SNTG1: variants seen among roughly 807,000 people sequenced by gnomAD.
SNTG1 encodes the protein syntrophin gamma 1, also known as gamma-1-syntrophin.
A neutral mutation model predicts 74.7 loss-of-function variants in SNTG1; 39 were observed. The ratio of observed to expected loss-of-function variants is 0.52; its 90% CI spans 0.40 to 0.68. SNTG1 has a LOEUF of 0.68. Among genes scored for constraint, SNTG1 ranks in the 30% least tolerant of loss-of-function variants. The probability of loss-of-function intolerance (pLI) is 0.00; values close to 1 mark genes in which losing one functional copy is unlikely to be tolerated. For synonymous variants in SNTG1, 254 were observed against 217.1 expected, an observed-to-expected ratio of 1.17 and a Z score of -1.49; for missense variants, 685 against 609.5, an observed-to-expected ratio of 1.12 and a Z score of -1.30.
intron 8 of SNTG1, among the ~76,000 whole-genome samples, chr8:50,490,485 C>T (rs1224272368): frequency 3.3e-5 from 5 of 152,194 alleles, no homozygotes; most frequent in African/African-American, 7.2e-5. Flanking sequence ...TCCTTCACCT[C>T]CCTTGTAAGT....
At chr8:50,385,406 A>C (rs553238493) in intron 2 of SNTG1, among the ~76,000 whole-genome samples, 1 of 152,202 alleles carries the variant, frequency 6.6e-6, no homozygotes, top group Non-Finnish European at 1.5e-5. Flanking sequence ...CTCAACTGAC[A>C]TCACACCACT....
chr8:50,690,106 A>G (rs1322586371), intron 15 of SNTG1, among the ~76,000 whole-genome samples: 2 of 152,062 alleles, frequency 1.3e-5, no homozygotes, highest in African/African-American at 4.8e-5. Context: ...CCCCTTTATC[A>G]TTTTTTATTG....
chr8:50,795,527 C>G lies in SNTG1; in HGVS notation c.*2698C>G, dbSNP rs761358831. The G allele has an allele frequency of 4.0e-5, 6 of 151,726 alleles. No individual in the cohort carries two copies. The highest frequency in any genetic ancestry group is 8.8e-5 in the Non-Finnish European group (6 of 67,832). The allele number at this position is 151,726 out of a possible 1,614,324, so 9.4% of individuals were successfully genotyped here. A position where few individuals can be genotyped will look rare whatever the true frequency, so the allele number is the denominator to read the frequency against. On this transcript the variant is annotated 3_prime_UTR_variant, in exon 19 of 19. Transcript: ENST00000642720. ...CAAAATGCTAATGTGTTAACCCCTC[C>G]AGTGCCTTGGTATGTGTGAGCGTGT...
At chr8:50,552,379 C>T (rs919630841) in intron 11 of SNTG1, among the ~76,000 whole-genome samples, 1 of 152,098 alleles carries the variant, frequency 6.6e-6, no homozygotes, top group South Asian at 2.1e-4. Flanking sequence ...AAACAAAAGT[C>T]AATAAAATAC....
In SNTG1 at chr8:50,783,700, C is replaced by T. The variant is rs529862049; in HGVS notation, c.1396-8971C>T. On this transcript the variant is annotated intron_variant, in intron 18 of 18. Transcript: ENST00000642720. ...TTCGGCTTGTGCACGGTGCGCTGCA[C>T]CCAGTGTCCTGCGCCCACTGTCTGG... is the stretch of plus-strand genomic sequence containing the variant. Among the ~76,000 whole-genome samples the T allele has an allele frequency of 3.9e-5, 6 of 152,314 alleles. No homozygotes were observed. The East Asian group carries it at 9.7e-4, about 25-fold the overall frequency.
intron 2 of SNTG1, among the ~76,000 whole-genome samples, chr8:50,209,003 GGTGCCTGGAAAATCGGTAC>G (rs2084381707): frequency 6.6e-6 from 1 of 152,110 alleles, no homozygotes; most frequent in Admixed American, 6.5e-5. Context: ...TGTGACAGAT[GGTGCCTGGAAAATCGGTAC>G]ATTCCCACCA....
chr8:50,066,252 A>G (rs1189201573), intron 1 of SNTG1, among the ~76,000 whole-genome samples: 3 of 152,082 alleles, frequency 2.0e-5, no homozygotes, highest in Non-Finnish European at 4.4e-5. Flanking sequence ...ACATCATAAT[A>G]GCTTTTTCAT....
At chr8:50,412,277 A>G (rs1195903961) in intron 4 of SNTG1, among the ~76,000 whole-genome samples, 1 of 152,164 alleles carries the variant, frequency 6.6e-6, no homozygotes, top group Non-Finnish European at 1.5e-5. Flanking sequence ...AAATTTATTG[A>G]CAACTCTTTA....
At chr8:50,771,436 G>A (rs570888496) in intron 18 of SNTG1, among the ~76,000 whole-genome samples, 192 of 152,244 alleles carry the variant, frequency 1.3e-3, no homozygotes, top group Middle Eastern at 3.4e-3. Context: ...AAGCATTCAG[G>A]CAACTGCATG....
intron 2 of SNTG1, among the ~76,000 whole-genome samples, chr8:50,221,666 A>C (rs1359494066): frequency 6.6e-6 from 1 of 152,110 alleles, no homozygotes; most frequent in Non-Finnish European, 1.5e-5. Context: ...TGACCCATTT[A>C]AAAAATATAT....
intron 15 of SNTG1, among the ~76,000 whole-genome samples, chr8:50,684,500 A>G (rs1222916033): frequency 6.6e-6 from 1 of 152,132 alleles, no homozygotes; most frequent in Non-Finnish European, 1.5e-5. Context: ...TTCAATAATA[A>G]TGTCTTAGGG....
At chr8:50,378,103 G>A (rs915559486) in intron 2 of SNTG1, among the ~76,000 whole-genome samples, 6 of 152,218 alleles carry the variant, frequency 3.9e-5, no homozygotes, top group African/African-American at 1.2e-4. Context: ...GGCAAGTCAT[G>A]CATGAAGTGG....
At chr8:49,976,871 T>G (rs994669525) in intron 1 of SNTG1, among the ~76,000 whole-genome samples, 6 of 152,148 alleles carry the variant, frequency 3.9e-5, no homozygotes, top group Non-Finnish European at 7.4e-5. Context: ...TCTTTGATTT[T>G]GAAGAGATCA....
chr8:50,628,766 C>T (rs936719908), intron 13 of SNTG1, among the ~76,000 whole-genome samples: 1 of 150,718 alleles, frequency 6.6e-6, no homozygotes, highest in Non-Finnish European at 1.5e-5. Context: ...TTTATTTTTG[C>T]TTGTTTACTT....
At chr8:50,163,942 C>G (rs992042148) in intron 1 of SNTG1, 1 of 152,156 alleles carries the variant, frequency 6.6e-6, no homozygotes, top group African/African-American at 2.4e-5. Context: ...TACATCTTTA[C>G]AATTGCTGCC....
At chr8:50,624,305 C>T (rs1323645694) in intron 13 of SNTG1, among the ~76,000 whole-genome samples, 2 of 151,058 alleles carry the variant, frequency 1.3e-5, no homozygotes, top group African/African-American at 2.5e-5. Flanking sequence ...TAGCTTTTGA[C>T]CTCTGAAAGA....
chr8:50,238,712 G>T (rs753064933), intron 2 of SNTG1, among the ~76,000 whole-genome samples: 9 of 152,028 alleles, frequency 5.9e-5, no homozygotes, highest in Non-Finnish European at 1.2e-4. Flanking sequence ...ACAACCTACA[G>T]AACGGAAAAA....
intron 2 of SNTG1, among the ~76,000 whole-genome samples, chr8:50,337,667 G>C (rs1219763233): frequency 1.3e-5 from 2 of 152,164 alleles, no homozygotes; most frequent in Non-Finnish European, 2.9e-5. Context: ...GAAAAGCTGA[G>C]ATGTATTTGT....
intron 1 of SNTG1, among the ~76,000 whole-genome samples, chr8:50,119,924 C>T (rs2080941487): frequency 7.0e-6 from 1 of 141,916 alleles, no homozygotes; most frequent in Non-Finnish European, 1.6e-5. Flanking sequence ...TTCAGAATTG[C>T]TAAGATTATA....
Sources: allele counts gnomAD v4.1 joint callset (sites outside exome capture counted in the v4.1 genomes callset), GRCh38; gene constraint gnomAD v4.1.1; transcripts MANE v1.5; gene names NCBI Gene and HGNC (gene_info 2026-07-23, HGNC 2026-07-21).